Variants in UBE3A observed in about 807,000 individuals in gnomAD.
The protein encoded by UBE3A is ubiquitin protein ligase E3A.
In UBE3A, 6 loss-of-function variants were observed where a neutral mutation model predicts 83.4. The ratio of observed to expected loss-of-function variants is 0.07; its 90% CI spans 0.04 to 0.14. The LOEUF is 0.14. UBE3A is among the 10% of genes least tolerant of loss of function. The pLI is 1.00. For synonymous variants in UBE3A, 337 were observed against 355.4 expected, an observed-to-expected ratio of 0.95 and a Z score of 0.58; for missense variants, 456 against 1,036.1, an observed-to-expected ratio of 0.44 and a Z score of 7.69.
chr15:25,405,465 G>A lies in UBE3A; in HGVS notation c.58C>T (p.Arg20Ter), dbSNP rs1424184406. Residue 20 changes from arginine (R) to a stop codon, truncating the protein, a stop_gained, in exon 4 of 13, where the codon CGA becomes TGA. Transcript: ENST00000648336. LOFTEE classifies it high-confidence loss of function. ...EPQSDDIEAS[R>*]MKRAAAKHLI... Reference sequence around the variant, plus strand: ...TCTCAACCAAGTTACACTTACATTCGGCTAGCTTCAATGTCGTCAGACTGA... The same window carrying A: ...TCTCAACCAAGTTACACTTACATTCAGCTAGCTTCAATGTCGTCAGACTGA... 6.2e-7 allele frequency: 1 copy of A among 1,613,760 alleles called. No homozygotes were observed.
chr15:25,350,997 G>C (rs979220314), intron 11 of UBE3A, among the ~76,000 whole-genome samples: 1 of 152,180 alleles, frequency 6.6e-6, no homozygotes, highest in South Asian at 2.1e-4. Context: ...TTACATAAAT[G>C]TAATTTTTAA....
At chr15:25,412,890 G>C in intron 1 of UBE3A, 1 of 292,802 alleles carries the variant, frequency 3.4e-6, no homozygotes, top group Non-Finnish European at 6.8e-6. Flanking sequence ...AACTACTTGG[G>C]CTCTACTCGC....
In UBE3A at chr15:25,434,993, C is replaced by T. The variant is rs1481775468; in HGVS notation, c.-165+3496G>A. Among the ~76,000 whole-genome samples, 25 of 151,048 alleles carry T rather than the reference C, an allele frequency of 1.7e-4. No homozygotes were observed. In the South Asian group the frequency reaches 1.7e-3, roughly 10 times the overall value. ...ATACACACACACACACACACACACA[C>T]ACACACACACACACACACACACACA... On this transcript the variant is annotated intron_variant, in intron 1 of 12. Coordinates refer to ENST00000648336, the MANE Select transcript of UBE3A (RefSeq NM_130839.5).
chr15:25,430,121 ATAAGAT>A (rs1266883968), intron 1 of UBE3A, among the ~76,000 whole-genome samples: 1 of 77,352 alleles, frequency 1.3e-5, no homozygotes, highest in East Asian at 4.9e-4. Flanking sequence ...ATACATATAT[ATAAGAT>A]TATATATATA....
chr15:25,356,171 G>GT, intron 8 of UBE3A, 115 bp from the exon 9 acceptor site: 1 of 1,297,740 alleles, frequency 7.7e-7, no homozygotes, highest in Non-Finnish European at 1.1e-6. Context: ...ATTGTAAAAA[G>GT]TGTAGACAGT....
chr15:25,434,690 G>T (rs574677878), intron 1 of UBE3A, among the ~76,000 whole-genome samples: 43 of 152,262 alleles, frequency 2.8e-4, no homozygotes, highest in African/African-American at 7.7e-4. Flanking sequence ...CATCCCAAAA[G>T]GTAGGACAGA....
intron 4 of UBE3A, among the ~76,000 whole-genome samples, chr15:25,403,713 A>G (rs900271919): frequency 7.9e-5 from 12 of 152,324 alleles, no homozygotes; most frequent in Admixed American, 5.2e-4. Flanking sequence ...GCGCTCATCA[A>G]CAGGTAAATG....
chr15:25,353,733 A>C lies in UBE3A; in HGVS notation c.2354+620T>G, dbSNP rs538574204. Among the ~76,000 whole-genome samples the C allele has an allele frequency of 5.5e-4, 84 of 152,220 alleles. 1 individual carries two copies. Among genetic ancestry groups the C allele is most frequent in the African/African-American group, 2.0e-3 (81 of 41,532 alleles). ...CAATCCATCAGTAGCTGCCACTTGA[A>C]CCAGTCTTAGCAGGGGATGGGGAAG... On this transcript the variant is annotated intron_variant, in intron 11 of 12. Transcript: ENST00000648336.
intron 4 of UBE3A, among the ~76,000 whole-genome samples, chr15:25,379,941 A>G (rs1374059336): frequency 1.3e-5 from 2 of 152,190 alleles, no homozygotes; most frequent in Admixed American, 6.5e-5. Context: ...TAAATATACT[A>G]TATATGATAA....
chr15:25,413,991 C>G (rs2090446251), intron 1 of UBE3A, among the ~76,000 whole-genome samples: 2 of 152,170 alleles, frequency 1.3e-5, no homozygotes, highest in Non-Finnish European at 2.9e-5. Context: ...AACCAATTTT[C>G]TGCGCAATGT....
chr15:25,355,620 T>C (rs1401220748), intron 9 of UBE3A, among the ~76,000 whole-genome samples: 1 of 152,182 alleles, frequency 6.6e-6, no homozygotes, highest in Non-Finnish European at 1.5e-5. Context: ...AGAAACACCC[T>C]GCTTCTTGCT....
intron 4 of UBE3A, among the ~76,000 whole-genome samples, chr15:25,396,032 GTC>G (rs1217598722): frequency 3.3e-5 from 5 of 151,976 alleles, no homozygotes; most frequent in African/African-American, 1.2e-4. Context: ...GTGAAACTCT[GTC>G]TCTACTAAAA....
chr15:25,420,070 C>T (rs923670469), intron 1 of UBE3A, among the ~76,000 whole-genome samples: 1 of 151,902 alleles, frequency 6.6e-6, no homozygotes, highest in African/African-American at 2.4e-5. Flanking sequence ...AAGCAACGAT[C>T]GTAAAAAGTC....
At chr15:25,425,583 T>C (rs1233333148) in intron 1 of UBE3A, among the ~76,000 whole-genome samples, 1 of 152,186 alleles carries the variant, frequency 6.6e-6, no homozygotes, top group Non-Finnish European at 1.5e-5. Context: ...TTATATTTGA[T>C]TGGTAATTTC....
At chr15:25,387,561 T>G (rs1025888869) in intron 4 of UBE3A, among the ~76,000 whole-genome samples, 1 of 152,022 alleles carries the variant, frequency 6.6e-6, no homozygotes, top group Non-Finnish European at 1.5e-5. Context: ...AAAAATCAAT[T>G]ATCTGAGCTA....
chr15:25,380,973 A>G (rs527873367), intron 4 of UBE3A, among the ~76,000 whole-genome samples: 12 of 152,222 alleles, frequency 7.9e-5, no homozygotes, highest in African/African-American at 2.4e-4. Context: ...GTCCTATGGA[A>G]TAAGTCATAC....
chr15:25,349,066 G>C (rs894938408), intron 11 of UBE3A, among the ~76,000 whole-genome samples: 1 of 152,146 alleles, frequency 6.6e-6, no homozygotes, highest in Non-Finnish European at 1.5e-5. Flanking sequence ...GTGTCATTTT[G>C]GCAAAAGGAC....
At chr15:25,414,092 A>G (rs2090459216) in intron 1 of UBE3A, among the ~76,000 whole-genome samples, 1 of 152,176 alleles carries the variant, frequency 6.6e-6, no homozygotes, top group Non-Finnish European at 1.5e-5. Flanking sequence ...GCAACTACAT[A>G]TTACCAACGG....
chr15:25,410,566 G>A (rs760863820), intron 2 of UBE3A, among the ~76,000 whole-genome samples: 3 of 152,152 alleles, frequency 2.0e-5, no homozygotes, highest in Non-Finnish European at 4.4e-5. Flanking sequence ...CGTAAAAGGT[G>A]GTTACCAGTG....
Sources: allele counts gnomAD v4.1 joint callset (sites outside exome capture counted in the v4.1 genomes callset), GRCh38; gene constraint gnomAD v4.1.1; transcripts MANE v1.5; gene names NCBI Gene and HGNC (gene_info 2026-07-23, HGNC 2026-07-21).